The following SLC24A2 variants were observed in gnomAD, a reference collection of about 807,000 sequenced individuals.
The protein encoded by SLC24A2 is sodium/potassium/calcium exchanger 2.
SLC24A2 carries 36 observed loss-of-function variants against 62.0 expected under a neutral mutation model. The observed-to-expected ratio is 0.58, with a 90% confidence interval of 0.44 to 0.77. The LOEUF (loss-of-function observed/expected upper bound fraction) is 0.77, where lower values mean the gene tolerates loss of function less well. Among genes scored for constraint, SLC24A2 ranks in the 30% least tolerant of loss-of-function variants. The pLI, the probability that SLC24A2 is intolerant of heterozygous loss-of-function variation, is 0.00. For missense variants in SLC24A2, 846 were observed against 817.9 expected (o/e 1.03, Z -0.42); for synonymous variants, 358 against 294.0 (o/e 1.22, Z -2.23).
chr9:19,668,799 C>T (rs1297856201), intron 2 of SLC24A2, among the ~76,000 whole-genome samples: 2 of 152,178 alleles, frequency 1.3e-5, no homozygotes, highest in Admixed American at 1.3e-4. Flanking sequence ...GTTATTCCTG[C>T]AAGAATTTCT....
intron 2 of SLC24A2, among the ~76,000 whole-genome samples, chr9:19,694,739 G>T (rs1002147026): frequency 6.6e-6 from 1 of 152,164 alleles, no homozygotes; most frequent in African/African-American, 2.4e-5. Context: ...ACAAATCCTT[G>T]TTTCCCACAG....
chr9:19,566,378 C>T (rs1835651776), intron 7 of SLC24A2, among the ~76,000 whole-genome samples: 7 of 146,112 alleles, frequency 4.8e-5, no homozygotes, highest in Admixed American at 1.4e-4. Context: ...TCATCACTGG[C>T]CATCAGAGAA....
the SLC24A2 span, among the ~76,000 whole-genome samples, chr9:20,124,730 G>C: frequency 2.6e-5 from 4 of 152,160 alleles, no homozygotes; most frequent in African/African-American, 9.7e-5. Flanking sequence ...TGTGCCCCCA[G>C]TTCCCTCTCT....
the SLC24A2 span, among the ~76,000 whole-genome samples, chr9:20,178,021 C>T: frequency 6.6e-6 from 1 of 152,074 alleles, no homozygotes; most frequent in Non-Finnish European, 1.5e-5. Context: ...CCTCACCATT[C>T]TAAGTAAATG....
the SLC24A2 span, among the ~76,000 whole-genome samples, chr9:19,903,279 C>T: frequency 7.9e-5 from 12 of 152,178 alleles, no homozygotes; most frequent in African/African-American, 2.9e-4. Flanking sequence ...TCCTAGTTCA[C>T]AGACAGCTGC....
the SLC24A2 span, among the ~76,000 whole-genome samples, chr9:19,798,078 A>T: frequency 1.3e-5 from 2 of 152,112 alleles, 1 homozygote; most frequent in South Asian, 4.1e-4. Context: ...TTTATATAGA[A>T]TTGGATCTTA....
chr9:19,999,478 A>G, the SLC24A2 span, among the ~76,000 whole-genome samples: 1 of 152,254 alleles, frequency 6.6e-6, no homozygotes, highest in Admixed American at 6.5e-5. Context: ...TGCTTGATGT[A>G]TGGGTAGCAA....
chr9:19,872,851 CAG>C, the SLC24A2 span, among the ~76,000 whole-genome samples: 1 of 152,144 alleles, frequency 6.6e-6, no homozygotes, highest in Middle Eastern at 3.2e-3. Flanking sequence ...CAAGTCCTAA[CAG>C]GGGTCAGAGA....
At chr9:19,741,664 T>C (rs1421380714) in intron 2 of SLC24A2, among the ~76,000 whole-genome samples, 1 of 152,214 alleles carries the variant, frequency 6.6e-6, no homozygotes, top group Non-Finnish European at 1.5e-5. Flanking sequence ...TAACAATTCA[T>C]GTTAAGCATG....
intron 2 of SLC24A2, among the ~76,000 whole-genome samples, chr9:19,722,522 T>G (rs1480886577): frequency 1.3e-5 from 2 of 152,044 alleles, no homozygotes; most frequent in Non-Finnish European, 2.9e-5. Context: ...ACCTAAAAAG[T>G]GCAGGATAAG....
chr9:19,756,374 T>C (rs1044152265), intron 2 of SLC24A2, among the ~76,000 whole-genome samples: 5 of 152,196 alleles, frequency 3.3e-5, no homozygotes, highest in Admixed American at 6.5e-5. Flanking sequence ...AAGAGAATCA[T>C]AGGCTTAAAT....
the SLC24A2 span, among the ~76,000 whole-genome samples, chr9:20,096,645 G>A: frequency 1.3e-5 from 2 of 151,936 alleles, no homozygotes; most frequent in Non-Finnish European, 1.5e-5. Flanking sequence ...TTTCCTGGTT[G>A]TTTCTTCTGG....
chr9:20,028,882 G>A, the SLC24A2 span, among the ~76,000 whole-genome samples: 1 of 152,134 alleles, frequency 6.6e-6, no homozygotes, highest in Non-Finnish European at 1.5e-5. Flanking sequence ...TTCTAAGTGA[G>A]AAAAAGCCCT....
chr9:19,978,562 C>A, the SLC24A2 span, among the ~76,000 whole-genome samples: 1 of 151,876 alleles, frequency 6.6e-6, no homozygotes, highest in East Asian at 1.9e-4. Context: ...GTCATGTTTC[C>A]TAAGAAAAAT....
the SLC24A2 span, among the ~76,000 whole-genome samples, chr9:20,267,930 C>A: frequency 6.6e-6 from 1 of 152,106 alleles, no homozygotes; most frequent in Non-Finnish European, 1.5e-5. Context: ...GGGCCCTCAA[C>A]CCTCTCTCAA....
At chr9:19,841,437 C>A in the SLC24A2 span, among the ~76,000 whole-genome samples, 2 of 152,122 alleles carry the variant, frequency 1.3e-5, no homozygotes, top group Admixed American at 6.6e-5. Flanking sequence ...ACCCTTCAGG[C>A]AGACACATAC....
intron 1 of SLC24A2, among the ~76,000 whole-genome samples, 187 bp from the exon 2 acceptor site, chr9:19,787,206 T>G (rs1449880459): frequency 6.6e-6 from 1 of 152,152 alleles, no homozygotes; most frequent in Non-Finnish European, 1.5e-5. Flanking sequence ...CCAGGATTGT[T>G]TTCAAGATGA....
intron 2 of SLC24A2, among the ~76,000 whole-genome samples, chr9:19,688,037 C>T (rs1447568658): frequency 3.9e-5 from 6 of 151,982 alleles, no homozygotes; most frequent in Non-Finnish European, 8.8e-5. Context: ...TGTATGCTTT[C>T]GAAAAGCTCT....
At chr9:19,557,731 A>C (rs1014605042) in intron 7 of SLC24A2, among the ~76,000 whole-genome samples, 1 of 150,034 alleles carries the variant, frequency 6.7e-6, no homozygotes, top group African/African-American at 2.5e-5. Context: ...GACCCCAGTA[A>C]TGAAACATTT....
Sources: gnomAD v4.1 joint callset for allele counts (sites outside exome capture counted in the v4.1 genomes callset) on GRCh38, gnomAD v4.1.1 for gene constraint, MANE v1.5 for transcripts, NCBI Gene and HGNC (gene_info 2026-07-23, HGNC 2026-07-21) for gene names.